The following FUNDC1 variants were observed in gnomAD, a reference collection of about 807,000 sequenced individuals.
The protein encoded by FUNDC1 is FUN14 domain containing 1.
Under a neutral mutation model 14.5 loss-of-function variants are expected in FUNDC1, and 10 were observed. That is an observed-to-expected ratio of 0.69 (90% CI 0.43 to 1.17). The LOEUF (loss-of-function observed/expected upper bound fraction) is 1.17, where lower values mean the gene tolerates loss of function less well. FUNDC1 is among the 50% of genes most tolerant of loss of function. FUNDC1 has a pLI of 0.00. For missense variants in FUNDC1, 115 were observed against 113.8 expected, an observed-to-expected ratio of 1.01 and a Z score of -0.05; for synonymous variants, 33 against 39.7, an observed-to-expected ratio of 0.83 and a Z score of 0.64.
intron 3 of FUNDC1, among the ~76,000 whole-genome samples, chrX:44,528,481 T>C (rs950035035): frequency 8.9e-6 from 1 of 112,254 alleles, no homozygotes; most frequent in South Asian, 3.7e-4. Flanking sequence ...GTCACAGGCA[T>C]GGAGGTGATG....
chrX:44,541,521 T>C (rs936155465), intron 2 of FUNDC1, among the ~76,000 whole-genome samples: 1 of 112,044 alleles, frequency 8.9e-6, no homozygotes, highest in African/African-American at 3.2e-5. Flanking sequence ...TACACTGCTC[T>C]GTACAGGGCT....
chrX:44,523,709 G>A lies in FUNDC1; in HGVS notation c.*489C>T, dbSNP rs1333787725. On this transcript the variant is annotated 3_prime_UTR_variant, in exon 5 of 5. Coordinates refer to ENST00000378045, the MANE Select transcript of FUNDC1 (RefSeq NM_173794.4). ...TCATTTCTAAAGCTTTCCACAAAAG[G>A]GTATTACAGTTTTTTAACTTATTGC... is the stretch of plus-strand genomic sequence containing the variant. 1.9e-5 allele frequency: 2 copies of A among 107,565 alleles called. No homozygotes were observed. The highest frequency in any genetic ancestry group is 6.9e-5 in the African/African-American group (2 of 29,050). 8.9% of individuals were successfully genotyped at this position (107,565 alleles called of 1,213,427 possible).
intron 3 of FUNDC1, among the ~76,000 whole-genome samples, chrX:44,533,627 CA>C (rs1156843539): frequency 6.4e-3 from 119 of 18,724 alleles, no homozygotes; most frequent in African/African-American, 0.023. Flanking sequence ...GACTCCGTCT[CA>C]AAAAAAAAAA....
chrX:44,535,951 A>T (rs2038946880), intron 3 of FUNDC1, among the ~76,000 whole-genome samples: 1 of 104,724 alleles, frequency 9.5e-6, no homozygotes, highest in Non-Finnish European at 1.9e-5. Flanking sequence ...GTGCCATTGC[A>T]CTCCAACCTA....
At chrX:44,535,049 G>A (rs748481177) in intron 3 of FUNDC1, among the ~76,000 whole-genome samples, 1 of 111,692 alleles carries the variant, frequency 9.0e-6, no homozygotes, top group East Asian at 2.8e-4. Context: ...GGGAGGCTGA[G>A]GCAGGAGGAT....
intron 4 of FUNDC1, among the ~76,000 whole-genome samples, chrX:44,524,894 CCAT>C (rs2038894915): frequency 9.0e-6 from 1 of 111,019 alleles, no homozygotes; most frequent in Admixed American, 9.7e-5. Flanking sequence ...GATGAATGGC[CCAT>C]CATCAAGTTA....
At chrX:44,531,556 A>G (rs1480557622) in intron 3 of FUNDC1, among the ~76,000 whole-genome samples, 2 of 110,026 alleles carry the variant, frequency 1.8e-5, no homozygotes, top group Non-Finnish European at 3.8e-5. Context: ...GAGAAGGGAA[A>G]GCCCAATCCA....
chrX:44,531,493 A>ACC (rs2038925445), intron 3 of FUNDC1, among the ~76,000 whole-genome samples: 2 of 108,323 alleles, frequency 1.8e-5, no homozygotes, highest in Admixed American at 1.0e-4. Context: ...AATTCTGCCC[A>ACC]CCCCCAACTC....
At chrX:44,534,841 G>A (rs1250878857) in intron 3 of FUNDC1, among the ~76,000 whole-genome samples, 1 of 111,815 alleles carries the variant, frequency 8.9e-6, no homozygotes, top group African/African-American at 3.2e-5. Context: ...ACCAAAACAA[G>A]AGAATACATC....
Position 44,524,163 on chromosome X carries a change from A to G in FUNDC1, c.*35T>C, listed in dbSNP as rs773647762. ...CCTTATTGCTGCCACTTCTCTTCTC[A>G]TAGTTGAATCCGTTATGGGAGAATA... On this transcript the variant is annotated 3_prime_UTR_variant, in exon 5 of 5. Coordinates refer to ENST00000378045, the MANE Select transcript of FUNDC1 (RefSeq NM_173794.4). 4 of 1,024,019 alleles carry G rather than the reference A, an allele frequency of 3.9e-6. No homozygotes were observed. In the Admixed American group the frequency reaches 8.8e-5, roughly 23 times the overall value. The allele number at this position is 1,024,019 out of a possible 1,213,427, so 84.4% of individuals were successfully genotyped here.
At chrX:44,534,286 C>T (rs943839524) in intron 3 of FUNDC1, among the ~76,000 whole-genome samples, 4 of 109,387 alleles carry the variant, frequency 3.7e-5, no homozygotes, top group East Asian at 2.9e-4. Context: ...TTGCTTGAGA[C>T]CAGCCTGGGC....
intron 2 of FUNDC1, among the ~76,000 whole-genome samples, chrX:44,540,414 T>TTGTGTGTG (rs367975882): frequency 0.029 from 2,770 of 96,600 alleles, 45 homozygotes; most frequent in Non-Finnish European, 0.045. Context: ...AATGTGTGTG[T>TTGTGTGTG]TGTGTGTGTG....
At chrX:44,537,247 A>T (rs2038952708) in intron 3 of FUNDC1, among the ~76,000 whole-genome samples, 2 of 112,115 alleles carry the variant, frequency 1.8e-5, no homozygotes, top group Admixed American at 9.6e-5. Context: ...TGAAAAACTG[A>T]CATGCAGAGT....
intron 3 of FUNDC1, among the ~76,000 whole-genome samples, chrX:44,535,068 C>G (rs2038941978): frequency 9.0e-6 from 1 of 111,273 alleles, no homozygotes; most frequent in Non-Finnish European, 1.9e-5. Flanking sequence ...ATCCCTTGAG[C>G]CCAGGAGGCA....
intron 2 of FUNDC1, among the ~76,000 whole-genome samples, chrX:44,540,586 T>C (rs1307155696): frequency 8.9e-6 from 1 of 111,962 alleles, no homozygotes; most frequent in African/African-American, 3.2e-5. Context: ...AATGAACCTA[T>C]CTCCTGCTGC....
At chrX:44,542,529 A>AG (rs2038976488) in intron 1 of FUNDC1, among the ~76,000 whole-genome samples, 1 of 101,931 alleles carries the variant, frequency 9.8e-6, no homozygotes, top group African/African-American at 4.3e-5. Flanking sequence ...TTAAAAAAAG[A>AG]AAATAATACA....
chrX:44,524,421 C>A, intron 4 of FUNDC1, 146 bp from the exon 5 acceptor site: 1 of 443,524 alleles, frequency 2.3e-6, no homozygotes. Context: ...AAGCAGAATA[C>A]AGATCATTAA....
At position 44,542,810 on chromosome X, in the gene FUNDC1, G is replaced by A. The variant is rs1363362264; in HGVS notation, c.23C>T (p.Pro8Leu). The change falls in exon 1 of 5, where the codon CCC becomes CTC. Residue 8 changes from proline to leucine, a missense_variant. Physicochemically the swap from Pro to Leu is moderately conservative, Grantham distance 98. Transcript: ENST00000378045. Reference protein sequence around the residue: MATRNPPPQDYESDDDSY... With the variant: MATRNPPLQDYESDDDSY... ...TTCGGGCCCTGGCCGCTCACCTTGG[G>A]GAGGGGGGTTCCGGGTCGCCATGAT... is the stretch of plus-strand genomic sequence containing the variant. 4 of 1,169,781 alleles carry A rather than the reference G, an allele frequency of 3.4e-6. No homozygotes were observed. Among genetic ancestry groups the A allele is most frequent in the Admixed American group, 2.5e-5 (1 of 39,357 alleles).
chrX:44,526,360 G>C (rs1312477649), intron 4 of FUNDC1, among the ~76,000 whole-genome samples: 2 of 108,834 alleles, frequency 1.8e-5, no homozygotes, highest in Admixed American at 9.9e-5. Flanking sequence ...AACCCGAGAG[G>C]CGAAGGTTGC....
Sources: gnomAD v4.1 joint callset for allele counts (sites outside exome capture counted in the v4.1 genomes callset) on GRCh38, gnomAD v4.1.1 for gene constraint, MANE v1.5 for transcripts, NCBI Gene and HGNC (gene_info 2026-07-23, HGNC 2026-07-21) for gene names.